AGBL4: variants seen among roughly 807,000 people sequenced by gnomAD.
AGBL4 encodes the protein AGBL carboxypeptidase 4.
In AGBL4, 58 loss-of-function variants were observed where a neutral mutation model predicts 66.4. The ratio of observed to expected loss-of-function variants is 0.87; its 90% CI spans 0.71 to 1.09. AGBL4 has a LOEUF of 1.09. AGBL4 is among the 50% of genes least tolerant of loss of function. The pLI, the probability that AGBL4 is intolerant of heterozygous loss-of-function variation, is 0.00. For missense variants in AGBL4, 579 were observed against 631.0 expected, an observed-to-expected ratio of 0.92 and a Z score of 0.88; for synonymous variants, 234 against 222.9, an observed-to-expected ratio of 1.05 and a Z score of -0.44.
chr1:49,561,590 G>T (rs1020285856), intron 3 of AGBL4, among the ~76,000 whole-genome samples: 7 of 151,934 alleles, frequency 4.6e-5, no homozygotes, highest in African/African-American at 1.7e-4. Flanking sequence ...AGTTTGCTGA[G>T]AATGATGGTT....
At chr1:48,611,717 G>A (rs1043776377) in intron 9 of AGBL4, among the ~76,000 whole-genome samples, 2 of 152,156 alleles carry the variant, frequency 1.3e-5, no homozygotes, top group Non-Finnish European at 2.9e-5. Context: ...CTGAGTAAGA[G>A]AGAGAAAGGA....
At chr1:49,592,577 A>G (rs1263518172) in intron 3 of AGBL4, among the ~76,000 whole-genome samples, 1 of 152,228 alleles carries the variant, frequency 6.6e-6, no homozygotes, top group Non-Finnish European at 1.5e-5. Context: ...CAAAAAAACA[A>G]AAACATGAAC....
intron 3 of AGBL4, among the ~76,000 whole-genome samples, chr1:49,615,120 A>G (rs904856140): frequency 2.0e-5 from 3 of 152,084 alleles, no homozygotes; most frequent in Admixed American, 6.5e-5. Context: ...ATCCTAATCT[A>G]TAGCTCTTTT....
At chr1:48,932,119 C>T (rs1385874367) in intron 5 of AGBL4, among the ~76,000 whole-genome samples, 1 of 152,164 alleles carries the variant, frequency 6.6e-6, no homozygotes, top group African/African-American at 2.4e-5. Context: ...CCAGAGGAGG[C>T]TGCCTGCCTT....
At chr1:49,849,504 C>T (rs955024794) in intron 2 of AGBL4, among the ~76,000 whole-genome samples, 1 of 146,406 alleles carries the variant, frequency 6.8e-6, no homozygotes, top group Non-Finnish European at 1.5e-5. Flanking sequence ...CACACACACA[C>T]ACACATACAT....
chr1:49,649,771 G>C (rs941556536), intron 3 of AGBL4, among the ~76,000 whole-genome samples: 2 of 151,942 alleles, frequency 1.3e-5, no homozygotes, highest in Non-Finnish European at 2.9e-5. Context: ...TAATTTAAAA[G>C]AATGGAATTC....
intron 3 of AGBL4, among the ~76,000 whole-genome samples, chr1:49,509,095 G>GGGGTT (rs1172785124): frequency 2.6e-5 from 4 of 151,794 alleles, no homozygotes; most frequent in African/African-American, 4.8e-5. Context: ...ATTCAAATGG[G>GGGGTT]AGAAGACACT....
At chr1:49,738,424 G>A (rs1650092793) in intron 2 of AGBL4, among the ~76,000 whole-genome samples, 1 of 152,204 alleles carries the variant, frequency 6.6e-6, no homozygotes, top group Admixed American at 6.5e-5. Flanking sequence ...AAACTGGGTG[G>A]AGCCCACCGC....
At chr1:48,859,138 A>G (rs1208135653) in intron 6 of AGBL4, among the ~76,000 whole-genome samples, 2 of 152,028 alleles carry the variant, frequency 1.3e-5, no homozygotes, top group East Asian at 1.9e-4. Context: ...CTCTGTCACA[A>G]TGACTAACAT....
chr1:49,391,170 C>T (rs959740845), intron 3 of AGBL4, among the ~76,000 whole-genome samples: 33 of 152,008 alleles, frequency 2.2e-4, no homozygotes, highest in Admixed American at 2.6e-4. Flanking sequence ...ATACAATCAG[C>T]GTGAGAGATT....
intron 4 of AGBL4, among the ~76,000 whole-genome samples, chr1:49,198,534 A>G (rs1223860664): frequency 6.6e-6 from 1 of 151,896 alleles, no homozygotes; most frequent in African/African-American, 2.4e-5. Context: ...GAGATGGGGT[A>G]TCACCATGTT....
downstream of AGBL4, among the ~76,000 whole-genome samples, chr1:48,531,346 T>C (rs752992877): frequency 6.6e-5 from 10 of 152,312 alleles, no homozygotes; most frequent in Admixed American, 3.3e-4. Context: ...TCCAGAAATG[T>C]AACATCCTGT....
intron 6 of AGBL4, among the ~76,000 whole-genome samples, chr1:48,834,642 A>C (rs1260421148): frequency 6.6e-6 from 1 of 152,180 alleles, no homozygotes; most frequent in African/African-American, 2.4e-5. Context: ...GAGAGCCCTC[A>C]CCAAGGCACC....
At chr1:49,543,970 C>G (rs1652276337) in intron 3 of AGBL4, among the ~76,000 whole-genome samples, 1 of 152,276 alleles carries the variant, frequency 6.6e-6, no homozygotes, top group African/African-American at 2.4e-5. Flanking sequence ...CCCTCATTAC[C>G]ATACTAAAAT....
chr1:49,338,516 C>T (rs1645480075), intron 3 of AGBL4, among the ~76,000 whole-genome samples: 1 of 152,140 alleles, frequency 6.6e-6, no homozygotes, highest in Admixed American at 6.5e-5. Flanking sequence ...TTCATCTCTA[C>T]ATATTTGTCG....
intron 5 of AGBL4, among the ~76,000 whole-genome samples, chr1:49,041,121 T>A (rs1211788507): frequency 6.6e-6 from 1 of 152,056 alleles, no homozygotes; most frequent in Non-Finnish European, 1.5e-5. Context: ...ACTATGGCCA[T>A]AGTGATTGAT....
intron 4 of AGBL4, among the ~76,000 whole-genome samples, chr1:49,133,221 C>A (rs1645936727): frequency 6.6e-6 from 1 of 152,092 alleles, no homozygotes; most frequent in Non-Finnish European, 1.5e-5. Context: ...GGGAACACCA[C>A]ACACTGGGGC....
At chr1:49,706,759 T>C (rs1647241607) in intron 2 of AGBL4, among the ~76,000 whole-genome samples, 1 of 152,152 alleles carries the variant, frequency 6.6e-6, no homozygotes, top group Admixed American at 6.5e-5. Context: ...TTTGTTCTCA[T>C]TGGTTTCAAA....
chr1:48,813,676 G>A (rs2148760816), intron 6 of AGBL4, among the ~76,000 whole-genome samples: 1 of 152,234 alleles, frequency 6.6e-6, no homozygotes, highest in African/African-American at 2.4e-5. Flanking sequence ...TGCTTCTCAT[G>A]GGTCAGACTT....
Sources: gnomAD v4.1 joint callset for allele counts (sites outside exome capture counted in the v4.1 genomes callset) on GRCh38, gnomAD v4.1.1 for gene constraint, MANE v1.5 for transcripts, NCBI Gene and HGNC (gene_info 2026-07-23, HGNC 2026-07-21) for gene names.